Variants in SDK1 observed in about 807,000 individuals in gnomAD.
The protein encoded by SDK1 is protein sidekick-1.
A neutral mutation model predicts 245.5 loss-of-function variants in SDK1; 157 were observed. The observed-to-expected ratio is 0.64, with a 90% confidence interval of 0.56 to 0.73. The LOEUF is 0.73. Among genes scored for constraint, SDK1 ranks in the 30% least tolerant of loss-of-function variants. The probability of loss-of-function intolerance (pLI) is 0.00; values close to 1 mark genes in which losing one functional copy is unlikely to be tolerated. For missense variants in SDK1, 3,583 were observed against 3,002.3 expected (o/e 1.19, Z -4.52); for synonymous variants, 1,647 against 1,278.5 (o/e 1.29, Z -6.15).
chr7:3,725,089 T>A (rs1778969998), intron 4 of SDK1, among the ~76,000 whole-genome samples: 1 of 152,218 alleles, frequency 6.6e-6, no homozygotes, highest in Non-Finnish European at 1.5e-5. Flanking sequence ...AAGAGAAAGA[T>A]AGATCTACAG....
At chr7:3,638,948 A>G in intron 2 of SDK1, 56 bp from the exon 3 acceptor site, 1 of 1,040,996 alleles carries the variant, frequency 9.6e-7, no homozygotes, top group East Asian at 2.5e-5. Flanking sequence ...TGATGGTTAG[A>G]TATAACCATG....
At chr7:3,689,267 A>G (rs192186492) in intron 4 of SDK1, among the ~76,000 whole-genome samples, 62 of 151,774 alleles carry the variant, frequency 4.1e-4, no homozygotes, top group African/African-American at 1.5e-3. Context: ...CTGATGATTC[A>G]CCTCTCCCAC....
chr7:3,701,867 A>G (rs545238323), intron 4 of SDK1, among the ~76,000 whole-genome samples: 2 of 150,064 alleles, frequency 1.3e-5, no homozygotes, highest in East Asian at 2.0e-4. Flanking sequence ...AAGCAATTCA[A>G]TGGAGGAAGA....
intron 44 of SDK1, among the ~76,000 whole-genome samples, chr7:4,262,017 CCT>C: frequency 9.0e-6 from 1 of 110,900 alleles, no homozygotes; most frequent in Non-Finnish European, 1.9e-5. Context: ...TCTGCTTTCT[CCT>C]TTTTTTTTTT....
intron 1 of SDK1, among the ~76,000 whole-genome samples, chr7:3,608,560 G>A (rs1219716898): frequency 6.6e-6 from 1 of 152,178 alleles, no homozygotes; most frequent in Non-Finnish European, 1.5e-5. Flanking sequence ...CCCACCATGA[G>A]CTTGACACTT....
rs139074765 is a variant in SDK1, at chr7:4,125,553, A to G, written c.3824-1828A>G. ...GTTGGATGGATAGATGAGTGGGTCTATGAAAGAGCAGAGGAAGTCCTCGCA... is the reference window on the plus strand; with the variant it reads ...GTTGGATGGATAGATGAGTGGGTCTGTGAAAGAGCAGAGGAAGTCCTCGCA... On this transcript the variant is annotated intron_variant, in intron 25 of 44. Transcript: ENST00000404826. Among the ~76,000 whole-genome samples the G allele has an allele frequency of 6.6e-3, 1,001 of 152,296 alleles. 8 individuals carry two copies. The highest frequency in any genetic ancestry group is 0.023 in the African/African-American group (961 of 41,558).
chr7:3,618,352 ATAGAT>A (rs1781832741), intron 1 of SDK1, among the ~76,000 whole-genome samples: 1 of 152,310 alleles, frequency 6.6e-6, no homozygotes, highest in East Asian at 1.9e-4. Flanking sequence ...CTCTGACACC[ATAGAT>A]TAGTTTTATC....
At chr7:3,965,552 G>C (rs1173391999) in intron 9 of SDK1, among the ~76,000 whole-genome samples, 1 of 152,118 alleles carries the variant, frequency 6.6e-6, no homozygotes, top group African/African-American at 2.4e-5. Context: ...TTAAAAAATC[G>C]ATATTGATTT....
At chr7:3,602,684 G>A (rs984000308) in intron 1 of SDK1, among the ~76,000 whole-genome samples, 1 of 151,870 alleles carries the variant, frequency 6.6e-6, no homozygotes, top group African/African-American at 2.4e-5. Flanking sequence ...AGTTTAATTA[G>A]ATCCCATTTG....
chr7:3,972,726 G>A lies in SDK1; in HGVS notation c.1817+1158G>A, dbSNP rs947826037. On this transcript the variant is annotated intron_variant, in intron 12 of 44. Coordinates refer to ENST00000404826, the MANE Select transcript of SDK1 (RefSeq NM_152744.4). The stretch of plus-strand genomic sequence containing the variant: ...CAGCTGTGGGTGCACAGTCAGCAGC[G>A]GGACGCGGAGACTCGGCTGTTCTCT... 7.2e-5 allele frequency among the ~76,000 whole-genome samples: 11 copies of A among 152,208 alleles called. No homozygotes were observed. In the East Asian group the frequency reaches 1.2e-3, roughly 16 times the overall value.
chr7:3,553,709 A>G (rs1779489763), intron 1 of SDK1, among the ~76,000 whole-genome samples: 1 of 152,164 alleles, frequency 6.6e-6, no homozygotes, highest in African/African-American at 2.4e-5. Context: ...GAAGGATCCC[A>G]CTGCAACAAA....
At chr7:3,738,880 A>G (rs749842089) in intron 4 of SDK1, among the ~76,000 whole-genome samples, 29 of 151,970 alleles carry the variant, frequency 1.9e-4, no homozygotes, top group Non-Finnish European at 3.8e-4. Context: ...TTTGTTTCCT[A>G]TCATTTTGCT....
chr7:3,527,333 G>A (rs1056276027), intron 1 of SDK1, among the ~76,000 whole-genome samples: 3 of 152,180 alleles, frequency 2.0e-5, no homozygotes, highest in Non-Finnish European at 4.4e-5. Context: ...GTTGAGTACT[G>A]TGAAGAACAC....
chr7:4,035,541 A>T (rs6462541), intron 17 of SDK1, among the ~76,000 whole-genome samples: 47,438 of 151,812 alleles, frequency 0.31, 11,582 homozygotes, highest in African/African-American at 0.69. Context: ...TCTTTAAGAC[A>T]GTTGCATGAG....
chr7:4,177,031 G>T (rs1275250168), intron 34 of SDK1, among the ~76,000 whole-genome samples: 4 of 152,232 alleles, frequency 2.6e-5, no homozygotes, highest in Admixed American at 2.6e-4. Context: ...GACCAGGCAG[G>T]AGGGAGGGGC....
intron 35 of SDK1, among the ~76,000 whole-genome samples, chr7:4,201,482 A>T (rs1010144816): frequency 3.9e-5 from 6 of 152,258 alleles, no homozygotes; most frequent in African/African-American, 1.4e-4. Flanking sequence ...AAAGAAAATT[A>T]TTTCATTATA....
chr7:3,347,396 A>T (rs1281796638), intron 1 of SDK1, among the ~76,000 whole-genome samples: 1 of 152,146 alleles, frequency 6.6e-6, no homozygotes, highest in African/African-American at 2.4e-5. Context: ...GATGTCATAA[A>T]GCTGTTGGTC....
chr7:4,230,068 G>GAAGGAAGGAAGA (rs1785653322), intron 40 of SDK1, among the ~76,000 whole-genome samples: 1 of 142,814 alleles, frequency 7.0e-6, no homozygotes, highest in Non-Finnish European at 1.5e-5. Flanking sequence ...AGGAAGGAAG[G>GAAGGAAGGAAGA]AAGGAAGGAA....
chr7:4,175,691 G>A, intron 33 of SDK1, 84 bp from the exon 34 acceptor site: 1 of 1,143,452 alleles, frequency 8.7e-7, no homozygotes, highest in Non-Finnish European at 1.3e-6. Flanking sequence ...TAAGGCACCT[G>A]TCTCCCTTGT....
Sources: allele counts gnomAD v4.1 joint callset (sites outside exome capture counted in the v4.1 genomes callset), GRCh38; gene constraint gnomAD v4.1.1; transcripts MANE v1.5; gene names NCBI Gene and HGNC (gene_info 2026-07-23, HGNC 2026-07-21).